Variants in PSMD3 observed in about 807,000 individuals in gnomAD.
PSMD3 encodes proteasome 26S subunit, non-ATPase 3.
In PSMD3, 5 loss-of-function variants were observed where a neutral mutation model predicts 62.8. That is an observed-to-expected ratio of 0.08 (90% CI 0.04 to 0.17). The LOEUF (loss-of-function observed/expected upper bound fraction) is 0.17. Ranked by LOEUF, PSMD3 falls within the 10% of genes least tolerant of loss-of-function variation. The pLI is 1.00. For synonymous variants in PSMD3, 265 were observed against 283.9 expected (o/e 0.93, Z 0.67); for missense variants, 524 against 713.6 (o/e 0.73, Z 3.03).
In PSMD3 at chr17:39,990,171, C is replaced by T; in HGVS notation, c.955C>T (p.His319Tyr). 1.2e-6 allele frequency: 2 copies of T among 1,613,858 alleles called. No homozygotes were observed. Among genetic ancestry groups the T allele is most frequent in the Non-Finnish European group, 1.7e-6 (2 of 1,179,928 alleles). The change falls in exon 6 of 12, where the codon CAC becomes TAC. Residue 319 changes from histidine (H) to tyrosine (Y), a missense_variant. By Grantham distance (83) the His-to-Tyr change is moderately conservative. This residue lies in a region of PSMD3 where 396 missense variants were observed against 475.8 expected (regional missense o/e 0.83). Transcript: ENST00000264639. ...MTNALRKAPQ[H>Y]TAVGFKQTVH... ...CAACGCCCTTCGCAAGGCCCCTCAG[C>T]ACACAGCTGTCGGCTTCAAACAGAC...
intron 2 of PSMD3, among the ~76,000 whole-genome samples, chr17:39,985,974 G>C (rs1463928764): frequency 6.6e-6 from 1 of 152,170 alleles, no homozygotes; most frequent in Non-Finnish European, 1.5e-5. Context: ...TCTCCACTTA[G>C]GTTGTAGCCT....
intron 1 of PSMD3, among the ~76,000 whole-genome samples, chr17:39,983,798 A>T (rs1278895857): frequency 6.6e-6 from 1 of 152,070 alleles, no homozygotes; most frequent in Non-Finnish European, 1.5e-5. Flanking sequence ...TTTTCTTGCC[A>T]CTTGGTTATG....
intron 4 of PSMD3, among the ~76,000 whole-genome samples, chr17:39,989,426 G>A (rs192207789): frequency 7.9e-4 from 121 of 152,212 alleles, no homozygotes; most frequent in African/African-American, 2.8e-3. Context: ...TCTTTCTCAC[G>A]TCCTGCATTC....
intron 3 of PSMD3, among the ~76,000 whole-genome samples, chr17:39,986,999 C>A (rs535246622): frequency 5.9e-5 from 9 of 152,260 alleles, no homozygotes; most frequent in Admixed American, 1.3e-4. Flanking sequence ...GACAGAAAGA[C>A]CTGGGTTCCA....
chr17:39,988,297 T>C (rs1980573788), intron 3 of PSMD3, among the ~76,000 whole-genome samples: 1 of 152,236 alleles, frequency 6.6e-6, no homozygotes, highest in African/African-American at 2.4e-5. Flanking sequence ...AGGATTTACT[T>C]ACTCTGGACA....
At chr17:39,992,185 T>C (rs1980674249) in intron 6 of PSMD3, among the ~76,000 whole-genome samples, 1 of 152,164 alleles carries the variant, frequency 6.6e-6, no homozygotes, top group Admixed American at 6.5e-5. Context: ...CTAAAAATAC[T>C]AGTAATTAAC....
chr17:39,981,314 T>C, intron 1 of PSMD3, 124 bp downstream of exon 1: 3 of 1,449,656 alleles, frequency 2.1e-6, no homozygotes, highest in Non-Finnish European at 2.7e-6. Context: ...CACCCCCAGA[T>C]ACCTGCTCCC....
intron 6 of PSMD3, among the ~76,000 whole-genome samples, chr17:39,990,554 C>A (rs985214745): frequency 6.6e-6 from 1 of 152,308 alleles, no homozygotes; most frequent in Admixed American, 6.5e-5. Context: ...GCCTCTGCCT[C>A]CCTAAGTGCT....
chr17:39,987,626 G>T (rs112394004), intron 3 of PSMD3, among the ~76,000 whole-genome samples: 2 of 152,138 alleles, frequency 1.3e-5, no homozygotes, highest in Non-Finnish European at 2.9e-5. Context: ...AGGGTTACAG[G>T]CATGAGCCAC....
chr17:39,994,833 C>A, intron 6 of PSMD3, 121 bp from the exon 7 acceptor site: 3 of 820,540 alleles, frequency 3.7e-6, no homozygotes, highest in Non-Finnish European at 5.9e-6. Flanking sequence ...TCTCTCTGGG[C>A]CTAAACAGTG....
At chr17:39,992,694 T>C (rs1980686768) in intron 6 of PSMD3, among the ~76,000 whole-genome samples, 2 of 152,106 alleles carry the variant, frequency 1.3e-5, no homozygotes, top group African/African-American at 4.8e-5. Context: ...CTCCTTCCTC[T>C]CTCTTCTAGC....
Position 39,996,839 on chromosome 17 carries a change from A to T in PSMD3, c.1477-491A>T. The T allele has an allele frequency of 2.2e-6, 1 of 449,548 alleles. No individual in the cohort carries two copies. The highest frequency in any genetic ancestry group is 1.6e-5 in the South Asian group (1 of 63,270). The allele number at this position is 449,548 out of a possible 1,614,324, so 27.8% of individuals were successfully genotyped here. A position where few individuals can be genotyped will look rare whatever the true frequency, so the allele number is the denominator to read the frequency against. ...AAGCACTGAGTTTGGCGCTGTTACT[A>T]TTTGCTTGCCATGTTTTTTTCTGGT... On this transcript the variant is annotated intron_variant, in intron 10 of 11. Transcript: ENST00000264639. The surrounding 1 kb of genome is among the most constrained non-coding windows in gnomAD (Gnocchi z 5.1).
Position 39,996,571 on chromosome 17 carries a change from G to A in PSMD3, c.1476+233G>A. The A allele has an allele frequency of 1.5e-6, 1 of 687,458 alleles. No homozygotes were observed. The highest frequency in any genetic ancestry group is 2.6e-6 in the Non-Finnish European group (1 of 381,226). 42.6% of individuals were successfully genotyped at this position (687,458 alleles called of 1,614,324 possible). On this transcript the variant is annotated intron_variant, in intron 10 of 11. Coordinates refer to ENST00000264639, the MANE Select transcript of PSMD3 (RefSeq NM_002809.4). The surrounding 1 kb of genome is among the most constrained non-coding windows in gnomAD (Gnocchi z 5.1). ...AAGGGATGATGTGGTCACCAGGGAG[G>A]ACCAGGCAGGGATTCAGAGGGCGGG...
At chr17:39,989,639 T>G in intron 4 of PSMD3, 100 bp from the exon 5 acceptor site, 1 of 1,186,160 alleles carries the variant, frequency 8.4e-7, no homozygotes, top group South Asian at 1.5e-5. Context: ...GAAAAGCAAT[T>G]TGTATAACTT....
chr17:39,981,001 G>A lies in PSMD3; in HGVS notation c.31G>A (p.Gly11Ser), dbSNP rs1598310332. The A allele has an allele frequency of 6.5e-7, 1 of 1,548,108 alleles. No homozygotes were observed. The highest frequency in any genetic ancestry group is 8.7e-7 in the Non-Finnish European group (1 of 1,147,068). The change falls in exon 1 of 12, where the codon GGC (glycine) becomes AGC (serine). Residue 11 changes from glycine (G) to serine (S), a missense_variant. By Grantham distance (56) the Gly-to-Ser change is moderately conservative (BLOSUM62 0). Coordinates refer to ENST00000264639, the MANE Select transcript of PSMD3 (RefSeq NM_002809.4). The stretch of plus-strand genomic sequence containing the variant: ...GCAGGAGGGCTCGGCGCGGCGCCGC[G>A]GCGCGGACAAGGCGAAACCGCCGCC... Reference protein sequence around the residue: MKQEGSARRRGADKAKPPPGG... With the variant: MKQEGSARRRSADKAKPPPGG...
intron 10 of PSMD3, among the ~76,000 whole-genome samples, chr17:39,997,127 G>T (rs765584098): frequency 6.6e-6 from 1 of 152,134 alleles, no homozygotes; most frequent in African/African-American, 2.4e-5. Flanking sequence ...AGAGTTGGTC[G>T]TTTATTCCTC....
At chr17:39,993,816 T>C (rs548179520) in intron 6 of PSMD3, 4 of 152,242 alleles carry the variant, frequency 2.6e-5, no homozygotes, top group Admixed American at 2.6e-4. Context: ...GTAGACAGGC[T>C]AGGTATTGTT....
In PSMD3 at chr17:39,996,982, C is replaced by T. The variant is rs78569106; in HGVS notation, c.1477-348C>T. Among the ~76,000 whole-genome samples, 1,259 of 152,248 alleles carry T rather than the reference C, an allele frequency of 8.3e-3. 10 individuals carry two copies. Among genetic ancestry groups the T allele is most frequent in the Middle Eastern group, 0.065 (19 of 294 alleles). ...CTTAGGTCAAGCCTCCCCTCCCACT[C>T]CTGCCCCACCACCCAGCAGCCAGCC... On this transcript the variant is annotated intron_variant, in intron 10 of 11. Coordinates refer to ENST00000264639, the MANE Select transcript of PSMD3 (RefSeq NM_002809.4). The surrounding 1 kb of genome is among the most constrained non-coding windows in gnomAD (Gnocchi z 5.1).
chr17:39,995,712 A>AGT lies in PSMD3; in HGVS notation c.1320+191_1320+192dup. The AGT allele has an allele frequency of 1.6e-6, 1 of 629,376 alleles. No homozygotes were observed. The highest frequency in any genetic ancestry group is 2.9e-6 in the Non-Finnish European group (1 of 349,902). The allele number at this position is 629,376 out of a possible 1,614,324, so 39.0% of individuals were successfully genotyped here. On this transcript the variant is annotated intron_variant, in intron 9 of 11. Coordinates refer to ENST00000264639, the MANE Select transcript of PSMD3 (RefSeq NM_002809.4). The surrounding 1 kb of genome is among the most constrained non-coding windows in gnomAD (Gnocchi z 4.1). The stretch of plus-strand genomic sequence containing the variant: ...CAGAGAGAGCATGGATGTGCATGTG[A>AGT]GTGTGTGAGTGTAGGTGTGTGCACA...
Sources: allele counts gnomAD v4.1 joint callset (sites outside exome capture counted in the v4.1 genomes callset), GRCh38; gene constraint gnomAD v4.1.1; regional missense constraint gnomAD v4.1.1; non-coding constraint Gnocchi (gnomAD v3.1); transcripts MANE v1.5; gene names NCBI Gene and HGNC (gene_info 2026-07-23, HGNC 2026-07-21).